The following CFAP107 variants were observed in gnomAD, a reference collection of about 807,000 sequenced individuals.
The protein encoded by CFAP107 is cilia and flagella associated protein 107.
chr1:12,752,233 T>C, the CFAP107 span, among the ~76,000 whole-genome samples: 1 of 152,090 alleles, frequency 6.6e-6, no homozygotes, highest in Non-Finnish European at 1.5e-5. Context: ...CCCCATTCAA[T>C]ATTATATTAA....
chr1:12,751,861 T>C, the CFAP107 span, among the ~76,000 whole-genome samples: 7 of 152,244 alleles, frequency 4.6e-5, no homozygotes, highest in African/African-American at 1.7e-4. Context: ...TAATTCTCCA[T>C]GAAATGGAGA....
the CFAP107 span, among the ~76,000 whole-genome samples, chr1:12,749,390 T>C: frequency 8.3e-4 from 127 of 152,262 alleles, 1 homozygote; most frequent in African/African-American, 2.7e-3. Context: ...GGCAGGTAGA[T>C]TGCTTGAGCC....
chr1:12,759,713 G>A, the CFAP107 span: 1 of 607,848 alleles, frequency 1.6e-6, no homozygotes, highest in South Asian at 1.8e-5. Flanking sequence ...CATCACCTGT[G>A]CCCCATGGTG....
At chr1:12,760,922 C>T in the CFAP107 span, 3 of 1,613,380 alleles carry the variant, frequency 1.9e-6, no homozygotes, top group South Asian at 1.1e-5. Context: ...GGTCCCTCCC[C>T]ATCGCCTGCA....
chr1:12,757,428 C>A, the CFAP107 span, among the ~76,000 whole-genome samples: 4 of 148,336 alleles, frequency 2.7e-5, no homozygotes, highest in South Asian at 8.4e-4. Flanking sequence ...GTCCCCCAGG[C>A]TAGAGTGCAG....
chr1:12,755,763 G>T, the CFAP107 span: 1 of 1,613,896 alleles, frequency 6.2e-7, no homozygotes, highest in Non-Finnish European at 8.5e-7. Context: ...CCCCTTCCCA[G>T]ACCACAGACC....
chr1:12,759,735 G>A, the CFAP107 span: 216 of 566,322 alleles, frequency 3.8e-4, no homozygotes, highest in Non-Finnish European at 6.3e-4. Context: ...CGGGCTTAGA[G>A]CACAGGTGGC....
chr1:12,748,253 G>C, the CFAP107 span, among the ~76,000 whole-genome samples: 8,510 of 152,120 alleles, frequency 0.056, 331 homozygotes, highest in Non-Finnish European at 0.084. Flanking sequence ...AGGTGGCATG[G>C]TTCAGATCTC....
At chr1:12,751,147 GA>G in the CFAP107 span, among the ~76,000 whole-genome samples, 3 of 151,598 alleles carry the variant, frequency 2.0e-5, no homozygotes, top group Non-Finnish European at 4.4e-5. Flanking sequence ...TGTTAAGAGG[GA>G]AATTTACAGC....
chr1:12,759,359 G>A, the CFAP107 span: 51 of 1,613,904 alleles, frequency 3.2e-5, no homozygotes, highest in East Asian at 6.7e-5. Context: ...CCCCCACATC[G>A]CTACCTGATC....
chr1:12,749,648 T>C, the CFAP107 span, among the ~76,000 whole-genome samples: 21 of 144,748 alleles, frequency 1.5e-4, no homozygotes, highest in Admixed American at 1.1e-3. Context: ...AACAGATTAT[T>C]AGGGATTTTC....
chr1:12,756,668 T>C, the CFAP107 span, among the ~76,000 whole-genome samples: 1 of 152,148 alleles, frequency 6.6e-6, no homozygotes, highest in Admixed American at 6.5e-5. Flanking sequence ...GACCCTACTA[T>C]ACCTGCTTCA....
the CFAP107 span, chr1:12,759,267 T>G: frequency 6.3e-7 from 1 of 1,599,598 alleles, no homozygotes; most frequent in Non-Finnish European, 8.5e-7. Context: ...AGGTGGATGC[T>G]TCGCTCCTAT....
the CFAP107 span, among the ~76,000 whole-genome samples, chr1:12,752,755 A>G: frequency 2.6e-5 from 4 of 152,032 alleles, no homozygotes; most frequent in African/African-American, 4.8e-5. Context: ...CACAGCTAAC[A>G]TAATACCCAA....
At chr1:12,749,662 G>A in the CFAP107 span, among the ~76,000 whole-genome samples, 1 of 152,090 alleles carries the variant, frequency 6.6e-6, no homozygotes, top group Non-Finnish European at 1.5e-5. Flanking sequence ...GATTTTCTCA[G>A]CAGAAACCTT....
At chr1:12,752,762 C>A in the CFAP107 span, among the ~76,000 whole-genome samples, 5 of 151,830 alleles carry the variant, frequency 3.3e-5, no homozygotes, top group African/African-American at 1.2e-4. Flanking sequence ...AACATAATAC[C>A]CAATGGTGAA....
At chr1:12,755,635 G>T in the CFAP107 span, 2 of 1,095,438 alleles carry the variant, frequency 1.8e-6, no homozygotes, top group Non-Finnish European at 2.8e-6. Flanking sequence ...AGGAGGTAAG[G>T]GGACCCAGCA....
At chr1:12,755,893 C>A in the CFAP107 span, 1 of 939,602 alleles carries the variant, frequency 1.1e-6, no homozygotes, top group Non-Finnish European at 1.7e-6. Flanking sequence ...TTCTTATAGG[C>A]TTAGTACCGT....
chr1:12,759,480 C>G, the CFAP107 span: 5 of 1,614,102 alleles, frequency 3.1e-6, no homozygotes, highest in South Asian at 3.3e-5. Flanking sequence ...CTGACTTTCC[C>G]CTTCTTGGTA....
Sources: gnomAD v4.1 joint callset for allele counts (sites outside exome capture counted in the v4.1 genomes callset) on GRCh38, gnomAD v4.1.1 for gene constraint, MANE v1.5 for transcripts, NCBI Gene and HGNC (gene_info 2026-07-23, HGNC 2026-07-21) for gene names.